Variants in PHF21A observed in about 807,000 individuals in gnomAD.
PHF21A encodes PHD finger protein 21A, also known as BHC80a.
Under a neutral mutation model 82.5 loss-of-function variants are expected in PHF21A, and 11 were observed. The observed-to-expected ratio is 0.13, with a 90% CI of 0.08 to 0.22. PHF21A has a LOEUF of 0.22. Ranked by LOEUF, PHF21A falls within the 10% of genes least tolerant of loss-of-function variation. The probability of loss-of-function intolerance (pLI) is 1.00; values close to 1 mark genes in which losing one functional copy is unlikely to be tolerated. For synonymous variants in PHF21A, 297 were observed against 302.8 expected (o/e 0.98, Z 0.20); for missense variants, 579 against 837.8 (o/e 0.69, Z 3.81).
chr11:45,947,488 T>C (rs1001394592), intron 14 of PHF21A, among the ~76,000 whole-genome samples: 7 of 152,334 alleles, frequency 4.6e-5, no homozygotes, highest in Middle Eastern at 3.4e-3. Flanking sequence ...ATGCCTATAG[T>C]ACAAAGACAG....
intron 1 of PHF21A, among the ~76,000 whole-genome samples, chr11:46,100,045 C>T (rs2097071326): frequency 6.6e-6 from 1 of 152,122 alleles, no homozygotes; most frequent in African/African-American, 2.4e-5. Flanking sequence ...GTGGAAACAG[C>T]TACAATACAC....
At chr11:46,100,092 A>C (rs2097072392) in intron 1 of PHF21A, among the ~76,000 whole-genome samples, 1 of 152,252 alleles carries the variant, frequency 6.6e-6, no homozygotes, top group African/African-American at 2.4e-5. Context: ...ACCACAAAGA[A>C]ACAGGAGTCT....
intron 6 of PHF21A, among the ~76,000 whole-genome samples, chr11:45,983,305 A>G (rs913217920): frequency 4.0e-5 from 6 of 148,572 alleles, no homozygotes; most frequent in South Asian, 2.1e-4. Context: ...GAGAGGAGGG[A>G]AAAAAAAAAG....
rs57081937 is a variant in PHF21A, at chr11:45,971,890, C to CTTTCTTTTTTTTTTTTT, written c.361-524_361-523insAAAAAAAAAAAAAGAAA. Among the ~76,000 whole-genome samples, 16 of 50,290 alleles carry CTTTCTTTTTTTTTTTTT rather than the reference C, an allele frequency of 3.2e-4. 6 individuals are homozygous for CTTTCTTTTTTTTTTTTT. Among genetic ancestry groups the CTTTCTTTTTTTTTTTTT allele is most frequent in the Non-Finnish European group, 5.0e-4 (13 of 25,832 alleles). 33.0% of individuals were successfully genotyped at this position (50,290 alleles called of 152,430 possible). On this transcript the variant is annotated intron_variant, in intron 7 of 18. Coordinates refer to ENST00000676320, the MANE Select transcript of PHF21A (RefSeq NM_001352027.3). ...GTAAAAGGACAGTGTCTTTTTCTTT[C>CTTTCTTTTTTTTTTTTT]TTTTTTTTTTTTTTTATGGTGTCAC... is the stretch of plus-strand genomic sequence containing the variant.
chr11:46,060,758 T>C (rs1367121535), intron 6 of PHF21A, among the ~76,000 whole-genome samples: 1 of 152,248 alleles, frequency 6.6e-6, no homozygotes, highest in South Asian at 2.1e-4. Flanking sequence ...TTTTCTCCCA[T>C]TCTGTAGGCT....
chr11:45,946,167 A>G, intron 14 of PHF21A, 164 bp from the exon 15 acceptor site: 3 of 1,492,156 alleles, frequency 2.0e-6, no homozygotes, highest in Non-Finnish European at 2.8e-6. Flanking sequence ...AAGGAAGAGA[A>G]GCAAAGATTT....
chr11:46,018,471 A>C (rs2095563131), intron 6 of PHF21A, among the ~76,000 whole-genome samples: 1 of 152,174 alleles, frequency 6.6e-6, no homozygotes. Context: ...AAAGAAAAGA[A>C]TCTCCTTAAA....
intron 3 of PHF21A, among the ~76,000 whole-genome samples, chr11:46,090,075 G>A (rs1035711270): frequency 2.7e-5 from 4 of 150,874 alleles, no homozygotes; most frequent in Admixed American, 1.3e-4. Context: ...AATCAGGCAC[G>A]TCTACTAGAT....
At chr11:46,087,427 T>C (rs958482660) in intron 3 of PHF21A, among the ~76,000 whole-genome samples, 1 of 152,204 alleles carries the variant, frequency 6.6e-6, no homozygotes, top group African/African-American at 2.4e-5. Context: ...TGAAGTTTTA[T>C]TCAGCAAGGA....
At chr11:45,934,637 A>G in intron 18 of PHF21A, 1 of 237,736 alleles carries the variant, frequency 4.2e-6, no homozygotes, top group South Asian at 5.5e-5. Context: ...GGGAGCCTTC[A>G]GGACTGGACT....
At chr11:46,041,140 TTC>T (rs1426690142) in intron 6 of PHF21A, among the ~76,000 whole-genome samples, 1 of 152,180 alleles carries the variant, frequency 6.6e-6, no homozygotes, top group Non-Finnish European at 1.5e-5. Flanking sequence ...CACCTTCTTA[TTC>T]TCTCTTTCCC....
intron 6 of PHF21A, among the ~76,000 whole-genome samples, chr11:45,987,876 C>T (rs2094551524): frequency 6.6e-6 from 1 of 152,134 alleles, no homozygotes; most frequent in Non-Finnish European, 1.5e-5. Context: ...GGCAGCACTG[C>T]TTTGTTAATA....
chr11:45,935,363 G>C, intron 18 of PHF21A: 1 of 849,700 alleles, frequency 1.2e-6, no homozygotes, highest in Non-Finnish European at 1.8e-6. Context: ...TGTTGTAGCT[G>C]TTACTTATTC....
intron 6 of PHF21A, among the ~76,000 whole-genome samples, chr11:46,057,798 C>G (rs1321933060): frequency 5.9e-5 from 9 of 152,106 alleles, no homozygotes; most frequent in Non-Finnish European, 1.2e-4. Context: ...CATAAATTTT[C>G]TAGATGAGAG....
At position 45,967,130 on chromosome 11, in the gene PHF21A, A is replaced by G. The variant is rs117706643; in HGVS notation, c.703-1522T>C. ...ACACCTGTAATCCCAACAATTCGGG[A>G]GGCTGAGGCTGGTGGATCACTTGAG... On this transcript the variant is annotated intron_variant, in intron 9 of 18. Coordinates refer to ENST00000676320, the MANE Select transcript of PHF21A (RefSeq NM_001352027.3). 8.2e-3 allele frequency among the ~76,000 whole-genome samples: 1,252 copies of G among 151,872 alleles called. 6 individuals are homozygous for G. Among genetic ancestry groups the G allele is most frequent in the Non-Finnish European group, 0.014 (961 of 67,922 alleles).
At chr11:45,990,312 G>A (rs1222337573) in intron 6 of PHF21A, among the ~76,000 whole-genome samples, 1 of 131,764 alleles carries the variant, frequency 7.6e-6, no homozygotes, top group Non-Finnish European at 1.6e-5. Context: ...AGGCTGGAGT[G>A]CAGTGGCATG....
intron 6 of PHF21A, among the ~76,000 whole-genome samples, chr11:46,010,892 C>T (rs1048638084): frequency 6.6e-6 from 1 of 152,120 alleles, no homozygotes; most frequent in African/African-American, 2.4e-5. Context: ...AGGCAGTGAA[C>T]AGCATCATAC....
At chr11:46,042,050 T>G (rs989022976) in intron 6 of PHF21A, among the ~76,000 whole-genome samples, 5 of 152,134 alleles carry the variant, frequency 3.3e-5, no homozygotes, top group Non-Finnish European at 5.9e-5. Flanking sequence ...TGATTTGAGA[T>G]TCACAAAACA....
At position 46,010,684 on chromosome 11, in the gene PHF21A, C is replaced by T. The variant is rs190284754; in HGVS notation, c.154-30718G>A. Among the ~76,000 whole-genome samples, 10 of 152,230 alleles carry T rather than the reference C, an allele frequency of 6.6e-5. No individual in the cohort carries two copies. The East Asian group carries it at 7.7e-4, about 12-fold the overall frequency. Reference sequence around the variant, plus strand: ...AGAAATAACAGGTTTTCTAAGCCAGCGTGCAAAGCCTTGACCCACAGAAGT... The same window carrying T: ...AGAAATAACAGGTTTTCTAAGCCAGTGTGCAAAGCCTTGACCCACAGAAGT... On this transcript the variant is annotated intron_variant, in intron 6 of 18. Transcript: ENST00000676320.
Sources: allele counts gnomAD v4.1 joint callset (sites outside exome capture counted in the v4.1 genomes callset), GRCh38; gene constraint gnomAD v4.1.1; transcripts MANE v1.5; gene names NCBI Gene and HGNC (gene_info 2026-07-23, HGNC 2026-07-21).